MEIKIN: variants seen among roughly 807,000 people sequenced by gnomAD.
MEIKIN encodes meiotic kinetochore factor, also known as meiosis-specific kinetochore protein.
chr5:131,922,752 TTAAG>T (rs1751525926), intron 5 of MEIKIN, among the ~76,000 whole-genome samples: 2 of 152,196 alleles, frequency 1.3e-5, no homozygotes, highest in South Asian at 4.1e-4. Context: ...ATATCATATA[TTAAG>T]TTAGATCAAT....
intron 8 of MEIKIN, among the ~76,000 whole-genome samples, chr5:131,899,755 C>T (rs1339956592): frequency 6.6e-6 from 1 of 152,104 alleles, no homozygotes. Context: ...GGGGTCAATT[C>T]AGCAAGAAGA....
intron 9 of MEIKIN, among the ~76,000 whole-genome samples, chr5:131,869,334 G>T (rs533160494): frequency 6.6e-6 from 1 of 151,962 alleles, no homozygotes; most frequent in African/African-American, 2.4e-5. Context: ...CTGTTCCATC[G>T]ATCTGTTTGT....
chr5:131,817,525 A>C (rs964814314), intron 12 of MEIKIN, among the ~76,000 whole-genome samples: 8 of 151,794 alleles, frequency 5.3e-5, no homozygotes, highest in African/African-American at 1.9e-4. Context: ...CTGAGGCTGG[A>C]ATATGGTGTG....
chr5:131,935,370 A>T (rs1475879974), intron 4 of MEIKIN, among the ~76,000 whole-genome samples: 1 of 152,160 alleles, frequency 6.6e-6, no homozygotes, highest in Non-Finnish European at 1.5e-5. Flanking sequence ...AAATGGACAA[A>T]TATTTGAACA....
At chr5:131,835,234 G>GTGTGTA (rs1749785707) in intron 11 of MEIKIN, among the ~76,000 whole-genome samples, 4 of 130,844 alleles carry the variant, frequency 3.1e-5, no homozygotes, top group African/African-American at 1.6e-4. Flanking sequence ...GTATATATAT[G>GTGTGTA]TATATATGTG....
intron 8 of MEIKIN, among the ~76,000 whole-genome samples, chr5:131,885,469 A>ATC (rs1244876976): frequency 1.3e-5 from 2 of 149,774 alleles, no homozygotes; most frequent in African/African-American, 5.0e-5. Context: ...GGGAAAAGAA[A>ATC]AAGAGTCTCT....
rs559994858 is a variant in MEIKIN at position 131,902,386 on chromosome 5, T to C, written c.703+9429A>G. ...AGGTGGAGGTTGTGGTAAGCCAAGATGGTGTCACTGCACTCTAGCCTGGGT... is the reference window on the plus strand; with the variant it reads ...AGGTGGAGGTTGTGGTAAGCCAAGACGGTGTCACTGCACTCTAGCCTGGGT... On this transcript the variant is annotated intron_variant, in intron 8 of 12. Transcript: ENST00000442687. Among the ~76,000 whole-genome samples the C allele has an allele frequency of 1.3e-3, 200 of 152,058 alleles. No individual in the cohort carries two copies. In the Middle Eastern group the frequency reaches 0.014, roughly 10 times the overall value.
At chr5:131,864,996 T>C (rs1026602103) in intron 9 of MEIKIN, among the ~76,000 whole-genome samples, 7 of 152,196 alleles carry the variant, frequency 4.6e-5, no homozygotes, top group Admixed American at 4.6e-4. Context: ...TTTGATTTAG[T>C]CTATTGTTGA....
At chr5:131,917,338 G>C (rs1029266504) in intron 6 of MEIKIN, among the ~76,000 whole-genome samples, 56 of 152,190 alleles carry the variant, frequency 3.7e-4, no homozygotes, top group African/African-American at 1.3e-3. Context: ...GACCGAGGCA[G>C]GTGGATCACC....
intron 11 of MEIKIN, among the ~76,000 whole-genome samples, chr5:131,827,811 T>C (rs980464817): frequency 6.6e-6 from 1 of 152,212 alleles, no homozygotes; most frequent in African/African-American, 2.4e-5. Flanking sequence ...AATTACAGAA[T>C]AAACATTACT....
chr5:131,890,665 C>T lies in MEIKIN; in HGVS notation c.704-11617G>A, dbSNP rs1252851460. On this transcript the variant is annotated intron_variant, in intron 8 of 12. Coordinates refer to ENST00000442687, the MANE Select transcript of MEIKIN (RefSeq NM_001303622.2). ...AATTTTGTTGATCTTTTCAAAAAACCAGCTCCTGGATTCATTGATTTTTTG... is the reference window on the plus strand; with the variant it reads ...AATTTTGTTGATCTTTTCAAAAAACTAGCTCCTGGATTCATTGATTTTTTG... 3.9e-5 allele frequency among the ~76,000 whole-genome samples: 6 copies of T among 152,200 alleles called. 1 individual carries two copies. The highest frequency in any genetic ancestry group is 1.4e-4 in the African/African-American group (6 of 41,532).
chr5:131,886,258 T>A lies in MEIKIN; in HGVS notation c.704-7210A>T, dbSNP rs1479101772. 2.6e-5 allele frequency among the ~76,000 whole-genome samples: 4 copies of A among 152,170 alleles called. No homozygotes were observed. The East Asian group carries it at 7.7e-4, about 29-fold the overall frequency. On this transcript the variant is annotated intron_variant, in intron 8 of 12. Transcript: ENST00000442687. ...GGGGCAGAAAGTTTATTCAAAGGGA[T>A]AACAACATGGAATTTCCCAAATCTA...
chr5:131,819,970 T>C (rs1269832713), intron 11 of MEIKIN, among the ~76,000 whole-genome samples: 1 of 145,048 alleles, frequency 6.9e-6, no homozygotes, highest in African/African-American at 2.6e-5. Flanking sequence ...AGAGACGGGG[T>C]TTCACCGTTT....
chr5:131,922,909 T>C lies in MEIKIN; in HGVS notation c.479-968A>G, dbSNP rs544640018. Among the ~76,000 whole-genome samples the C allele has an allele frequency of 1.3e-3, 203 of 152,310 alleles. No individual in the cohort carries two copies. The Middle Eastern group carries it at 0.014, about 10-fold the overall frequency. On this transcript the variant is annotated intron_variant, in intron 5 of 12. Coordinates refer to ENST00000442687, the MANE Select transcript of MEIKIN (RefSeq NM_001303622.2). ...GTTTTATACACACACACACACTTTTTTGAGAAGAGTCTTGCTCTGTCGCCC... is the reference window on the plus strand; with the variant it reads ...GTTTTATACACACACACACACTTTTCTGAGAAGAGTCTTGCTCTGTCGCCC...
intron 8 of MEIKIN, among the ~76,000 whole-genome samples, chr5:131,890,721 T>C (rs1173232382): frequency 6.6e-6 from 1 of 152,248 alleles, no homozygotes; most frequent in East Asian, 1.9e-4. Context: ...TTTCCTTCAG[T>C]GCTGCTCTGA....
chr5:131,913,329 T>C (rs181757804), intron 7 of MEIKIN, among the ~76,000 whole-genome samples: 1 of 152,378 alleles, frequency 6.6e-6, no homozygotes, highest in East Asian at 1.9e-4. Context: ...ATTGGCATTA[T>C]GCACAAATCT....
chr5:131,851,669 G>A (rs1446111225), intron 10 of MEIKIN, among the ~76,000 whole-genome samples: 1 of 152,132 alleles, frequency 6.6e-6, no homozygotes, highest in Non-Finnish European at 1.5e-5. Context: ...ATACACCAGA[G>A]ATTTTTAAAT....
chr5:131,890,565 T>A (rs1440483799), intron 8 of MEIKIN, among the ~76,000 whole-genome samples: 1 of 152,198 alleles, frequency 6.6e-6, no homozygotes, highest in Non-Finnish European at 1.5e-5. Context: ...TGATGATATC[T>A]CCTTTGTCAT....
chr5:131,897,497 A>C (rs943253677), intron 8 of MEIKIN, among the ~76,000 whole-genome samples: 8 of 152,104 alleles, frequency 5.3e-5, no homozygotes, highest in African/African-American at 1.9e-4. Context: ...ACTTGGTTCC[A>C]TTCTCCCCAT....
Sources: allele counts gnomAD v4.1 joint callset (sites outside exome capture counted in the v4.1 genomes callset), GRCh38; gene constraint gnomAD v4.1.1; transcripts MANE v1.5; gene names NCBI Gene and HGNC (gene_info 2026-07-23, HGNC 2026-07-21).